Variants in ADH4 observed in about 807,000 individuals in gnomAD.
ADH4 encodes all-trans-retinol dehydrogenase [NAD(+)] ADH4.
Under a neutral mutation model 35.2 loss-of-function variants are expected in ADH4, and 31 were observed. That is an observed-to-expected ratio of 0.88 (90% CI 0.66 to 1.19). The LOEUF (loss-of-function observed/expected upper bound fraction) is 1.19, where lower values mean the gene tolerates loss of function less well. Among genes scored for constraint, ADH4 ranks in the 50% most tolerant of loss-of-function variants. The pLI is 0.00. For missense variants in ADH4, 476 were observed against 458.3 expected, an observed-to-expected ratio of 1.04 and a Z score of -0.35; for synonymous variants, 171 against 160.2, an observed-to-expected ratio of 1.07 and a Z score of -0.51.
intron 4 of ADH4, among the ~76,000 whole-genome samples, chr4:99,138,824 C>G (rs1431495918): frequency 1.3e-5 from 2 of 152,130 alleles, no homozygotes; most frequent in Admixed American, 6.5e-5. Flanking sequence ...AAAATTCATT[C>G]TCTTTCTGAT....
rs774035712 is a variant in ADH4 at position 99,124,424 on chromosome 4, G to T, written c.*18C>A. 6.7e-7 allele frequency: 1 copy of T among 1,482,086 alleles called. No homozygotes were observed. The highest frequency in any genetic ancestry group is 1.8e-5 in the Admixed American group (1 of 57,102). 91.8% of individuals were successfully genotyped at this position (1,482,086 alleles called of 1,614,324 possible). On this transcript the variant is annotated 3_prime_UTR_variant, in exon 9 of 9. Coordinates refer to ENST00000265512, the MANE Select transcript of ADH4 (RefSeq NM_000670.5). ...TTCACATTCAATCAGATAGTATTCT[G>T]AATTGCTCCTGGCATCTTCAAAAGA...
At chr4:99,128,948 TG>T (rs1451587551) in intron 6 of ADH4, among the ~76,000 whole-genome samples, 1 of 152,050 alleles carries the variant, frequency 6.6e-6, no homozygotes, top group Non-Finnish European at 1.5e-5. Flanking sequence ...TATAGGCGTG[TG>T]CCACTACACC....
At chr4:99,142,382 C>T (rs929773275) in intron 2 of ADH4, among the ~76,000 whole-genome samples, 1 of 152,160 alleles carries the variant, frequency 6.6e-6, no homozygotes, top group Non-Finnish European at 1.5e-5. Context: ...AATTGGAAAG[C>T]AAAAAGAAAA....
chr4:99,134,934 G>A (rs1012931203), intron 5 of ADH4, among the ~76,000 whole-genome samples: 6 of 151,432 alleles, frequency 4.0e-5, no homozygotes, highest in African/African-American at 1.5e-4. Flanking sequence ...TTACAAAGCC[G>A]AGGACCAGGC....
chr4:99,137,462 G>T (rs563687251), intron 4 of ADH4, among the ~76,000 whole-genome samples: 2 of 151,970 alleles, frequency 1.3e-5, no homozygotes, highest in Admixed American at 6.6e-5. Context: ...GGGTTTCTCC[G>T]TGTTGGTCAG....
At chr4:99,141,197 C>G (rs966292237) in intron 3 of ADH4, among the ~76,000 whole-genome samples, 1 of 152,156 alleles carries the variant, frequency 6.6e-6, no homozygotes, top group Non-Finnish European at 1.5e-5. Flanking sequence ...CAGCTTCATC[C>G]ATATTTCTGC....
rs79083987 is a variant in ADH4 at position 99,144,074 on chromosome 4, G to A, written c.18+131C>T. On this transcript the variant is annotated intron_variant, in intron 1 of 8. Transcript: ENST00000265512. ...TTCCCTAGAATAAATTCCTGGCATA[G>A]GGGTCACTCATATCCTTTTGATCAA... The A allele has an allele frequency of 1.2e-3, 1,181 of 961,920 alleles. 12 individuals carry two copies. In the African/African-American group the frequency reaches 0.017, roughly 14 times the overall value. The allele number at this position is 961,920 out of a possible 1,614,324, so 59.6% of individuals were successfully genotyped here. A position where few individuals can be genotyped will look rare whatever the true frequency, so the allele number is the denominator to read the frequency against.
intron 5 of ADH4, among the ~76,000 whole-genome samples, chr4:99,132,652 TA>T (rs1205927011): frequency 1.3e-5 from 2 of 152,178 alleles, no homozygotes; most frequent in Non-Finnish European, 2.9e-5. Context: ...TAAATGGAAA[TA>T]ATAGATAAGA....
chr4:99,136,358 G>T, intron 5 of ADH4, 108 bp downstream of exon 5: 2 of 853,850 alleles, frequency 2.3e-6, no homozygotes, highest in Non-Finnish European at 3.8e-6. Context: ...AATCACAGAG[G>T]TAATAAATGA....
intron 6 of ADH4, among the ~76,000 whole-genome samples, chr4:99,127,725 A>C (rs576433582): frequency 2.0e-4 from 30 of 152,084 alleles, no homozygotes; most frequent in African/African-American, 6.7e-4. Context: ...GCTACTCGGG[A>C]AGCTGAGACT....
intron 4 of ADH4, among the ~76,000 whole-genome samples, chr4:99,136,919 T>C (rs1729452555): frequency 6.6e-6 from 1 of 152,032 alleles, no homozygotes; most frequent in Non-Finnish European, 1.5e-5. Flanking sequence ...TGACAGGGTG[T>C]CATTTCGTCA....
At chr4:99,144,158 G>A in intron 1 of ADH4, 47 bp downstream of exon 1, 1 of 1,607,790 alleles carries the variant, frequency 6.2e-7, no homozygotes, top group South Asian at 1.1e-5. Context: ...AACATACAAG[G>A]ACACAGAAAA....
chr4:99,137,729 T>C (rs1417043344), intron 4 of ADH4, among the ~76,000 whole-genome samples: 1 of 152,180 alleles, frequency 6.6e-6, no homozygotes, highest in Admixed American at 6.5e-5. Context: ...CCAGTAACCA[T>C]CAATTCATGG....
At chr4:99,127,895 T>C (rs1729149280) in intron 6 of ADH4, among the ~76,000 whole-genome samples, 1 of 151,878 alleles carries the variant, frequency 6.6e-6, no homozygotes, top group African/African-American at 2.4e-5. Context: ...CATACATTTG[T>C]GTGTAAGTAA....
intron 6 of ADH4, 91 bp downstream of exon 6, chr4:99,131,413 A>G: frequency 7.2e-7 from 1 of 1,391,670 alleles, no homozygotes. Flanking sequence ...TGAAAGTACT[A>G]AGTACCATAA....
chr4:99,125,379 T>C (rs780631909), intron 8 of ADH4, among the ~76,000 whole-genome samples: 25 of 152,210 alleles, frequency 1.6e-4, no homozygotes, highest in Non-Finnish European at 3.2e-4. Context: ...CCTGGGAGAA[T>C]GTGGGAGACT....
intron 2 of ADH4, 72 bp downstream of exon 2, chr4:99,142,607 G>A (rs1015787026): frequency 9.6e-6 from 9 of 940,974 alleles, no homozygotes; most frequent in Non-Finnish European, 1.4e-5. Flanking sequence ...TAGCACAGAG[G>A]ATTGACCTGA....
chr4:99,131,683 C>T lies in ADH4; in HGVS notation c.664G>A (p.Ala222Thr), dbSNP rs556499305. Residue 222 changes from alanine to threonine, a missense_variant, in exon 6 of 9, where the codon GCT becomes ACT. Physicochemically the swap from Ala to Thr is moderately conservative, Grantham distance 58 (BLOSUM62 0). Transcript: ENST00000265512. ...ATGTCAATACCTATGATTCTGGAAG[C>T]TCCTGCTGCTTTACAACCCATTACA... ...SAVMGCKAAG[A>T]SRIIGIDINS... is the part of the protein sequence containing the mutation. 6.1e-5 allele frequency: 98 copies of T among 1,614,166 alleles called. No homozygotes were observed. In the South Asian group the frequency reaches 1.1e-3, roughly 17 times the overall value.
chr4:99,124,576 C>T, intron 8 of ADH4, 110 bp from the exon 9 acceptor site: 1 of 643,788 alleles, frequency 1.6e-6, no homozygotes, highest in Non-Finnish European at 2.6e-6. Flanking sequence ...CCTTTATAGA[C>T]ATTCACTTTA....
Sources: allele counts gnomAD v4.1 joint callset (sites outside exome capture counted in the v4.1 genomes callset), GRCh38; gene constraint gnomAD v4.1.1; transcripts MANE v1.5; gene names NCBI Gene and HGNC (gene_info 2026-07-23, HGNC 2026-07-21).